Variants in CDH18 observed in about 807,000 individuals in gnomAD.
The protein encoded by CDH18 is cadherin 18, also known as cadherin-18.
Under a neutral mutation model 67.9 loss-of-function variants are expected in CDH18, and 31 were observed. That is an observed-to-expected ratio of 0.46 (90% CI 0.34 to 0.62). CDH18 has a LOEUF of 0.62. Ranked by LOEUF, CDH18 falls within the 20% of genes least tolerant of loss-of-function variation. The probability of loss-of-function intolerance (pLI) is 0.01; values close to 1 mark genes in which losing one functional copy is unlikely to be tolerated. For synonymous variants in CDH18, 362 were observed against 347.2 expected, an observed-to-expected ratio of 1.04 and a Z score of -0.48; for missense variants, 890 against 975.5, an observed-to-expected ratio of 0.91 and a Z score of 1.17.
intron 1 of CDH18, among the ~76,000 whole-genome samples, chr5:20,414,595 C>T (rs1435317436): frequency 6.6e-6 from 1 of 152,122 alleles, no homozygotes; most frequent in Non-Finnish European, 1.5e-5. Flanking sequence ...CCAACCTACT[C>T]TAGTAAATCC....
At chr5:20,120,698 A>C (rs1178159772) in intron 2 of CDH18, among the ~76,000 whole-genome samples, 3 of 152,178 alleles carry the variant, frequency 2.0e-5, no homozygotes, top group Admixed American at 2.0e-4. Context: ...ATTAGAGATA[A>C]TAGTCTGAAT....
intron 1 of CDH18, among the ~76,000 whole-genome samples, chr5:20,503,684 T>C (rs1349914254): frequency 1.3e-5 from 2 of 152,144 alleles, no homozygotes; most frequent in African/African-American, 4.8e-5. Flanking sequence ...CAATTACCTT[T>C]CATATGGAAA....
intron 2 of CDH18, among the ~76,000 whole-genome samples, chr5:20,159,851 T>C (rs1026065294): frequency 6.6e-6 from 1 of 152,184 alleles, no homozygotes; most frequent in African/African-American, 2.4e-5. Flanking sequence ...GCAAGCCTAC[T>C]GCAATGCACA....
At chr5:19,509,734 T>C (rs1744824523) in intron 10 of CDH18, among the ~76,000 whole-genome samples, 1 of 152,196 alleles carries the variant, frequency 6.6e-6, no homozygotes, top group African/African-American at 2.4e-5. Context: ...GGAAGTTTAA[T>C]ATGCATAAAA....
At chr5:20,265,993 C>T (rs1055245657) in intron 1 of CDH18, among the ~76,000 whole-genome samples, 34 of 152,208 alleles carry the variant, frequency 2.2e-4, no homozygotes, top group African/African-American at 8.0e-4. Flanking sequence ...AATGCACCCT[C>T]TGCTTGAGCT....
intron 1 of CDH18, among the ~76,000 whole-genome samples, chr5:20,380,626 G>A (rs1354511216): frequency 6.6e-6 from 1 of 152,116 alleles, no homozygotes; most frequent in Non-Finnish European, 1.5e-5. Context: ...TATTAGTTAG[G>A]TGAGAAGTTA....
At chr5:20,544,180 A>T (rs1757208563) in intron 1 of CDH18, among the ~76,000 whole-genome samples, 1 of 149,792 alleles carries the variant, frequency 6.7e-6, no homozygotes, top group Non-Finnish European at 1.5e-5. Context: ...AAACACAGAA[A>T]TTTACAAAAT....
At chr5:20,268,404 A>C (rs1745200961) in intron 1 of CDH18, among the ~76,000 whole-genome samples, 1 of 152,066 alleles carries the variant, frequency 6.6e-6, no homozygotes, top group Non-Finnish European at 1.5e-5. Context: ...CTCTTGCCTG[A>C]TTGTTCTATG....
intron 3 of CDH18, among the ~76,000 whole-genome samples, chr5:19,810,758 C>T (rs1490928379): frequency 6.6e-6 from 1 of 151,982 alleles, no homozygotes; most frequent in Non-Finnish European, 1.5e-5. Context: ...CACAGTGGCT[C>T]ACACTTGTAA....
At chr5:20,074,882 T>C (rs1316762178) in intron 2 of CDH18, among the ~76,000 whole-genome samples, 4 of 152,160 alleles carry the variant, frequency 2.6e-5, no homozygotes, top group Non-Finnish European at 5.9e-5. Context: ...AGAAAATGTA[T>C]TACTTTAATA....
intron 5 of CDH18, among the ~76,000 whole-genome samples, chr5:19,638,077 G>A (rs1019525895): frequency 2.6e-5 from 4 of 151,892 alleles, no homozygotes; most frequent in East Asian, 1.9e-4. Flanking sequence ...GGTTTGTTTC[G>A]TTTGTTAACA....
chr5:19,918,759 C>T (rs963411633), intron 2 of CDH18, among the ~76,000 whole-genome samples: 7 of 152,028 alleles, frequency 4.6e-5, no homozygotes, highest in African/African-American at 1.7e-4. Flanking sequence ...ATAATAAATA[C>T]ATATTTAGTC....
intron 2 of CDH18, among the ~76,000 whole-genome samples, chr5:20,168,543 G>A (rs954826442): frequency 3.3e-5 from 5 of 152,158 alleles, no homozygotes; most frequent in Admixed American, 6.6e-5. Context: ...AATTCAAGAT[G>A]CATGATAAAA....
At position 20,045,407 on chromosome 5, in the gene CDH18, A is replaced by T. The variant is rs1043398663; in HGVS notation, c.-517-53393T>A. On this transcript the variant is annotated intron_variant, in intron 2 of 14. Transcript: ENST00000507958. ...CAGAAATGAGAACGCAACAGTGAAC[A>T]ATTCCCAGGGAAGATCAAAATTTGC... Among the ~76,000 whole-genome samples the T allele has an allele frequency of 2.6e-5, 4 of 152,200 alleles. 1 individual carries two copies. Among genetic ancestry groups the T allele is most frequent in the Non-Finnish European group, 5.9e-5 (4 of 67,980 alleles).
chr5:19,857,276 T>C (rs1038615814), intron 2 of CDH18, among the ~76,000 whole-genome samples: 5 of 150,494 alleles, frequency 3.3e-5, no homozygotes, highest in Non-Finnish European at 7.4e-5. Flanking sequence ...GTTGAAGCAA[T>C]GATTTCTGTC....
chr5:19,679,152 A>G (rs1297967269), intron 5 of CDH18, among the ~76,000 whole-genome samples: 2 of 151,950 alleles, frequency 1.3e-5, no homozygotes, highest in Admixed American at 6.6e-5. Flanking sequence ...ACATATCAAT[A>G]CAAATCAATA....
chr5:19,477,265 A>C (rs1738636956), intron 12 of CDH18, among the ~76,000 whole-genome samples: 1 of 151,542 alleles, frequency 6.6e-6, no homozygotes, highest in South Asian at 2.1e-4. Context: ...GTTAAAGATA[A>C]ATTCAAATCA....
At position 19,748,267 on chromosome 5, in the gene CDH18, T is replaced by C. The variant is rs1454345669; in HGVS notation, c.229-1031A>G. Among the ~76,000 whole-genome samples the C allele has an allele frequency of 8.6e-5, 13 of 151,916 alleles. No individual in the cohort carries two copies. In the East Asian group the frequency reaches 2.5e-3, roughly 29 times the overall value. On this transcript the variant is annotated intron_variant, in intron 3 of 12. Transcript: ENST00000382275. ...ATTAATTGAAATACAGTAACAAATCTACACTTACTAAAATTAAAATTATCA... is the reference window on the plus strand; with the variant it reads ...ATTAATTGAAATACAGTAACAAATCCACACTTACTAAAATTAAAATTATCA...
At chr5:19,552,378 G>T (rs565874730) in intron 8 of CDH18, among the ~76,000 whole-genome samples, 1 of 152,108 alleles carries the variant, frequency 6.6e-6, no homozygotes, top group Non-Finnish European at 1.5e-5. Context: ...GACTGTGAAA[G>T]CTCATCTTTT....
Sources: allele counts gnomAD v4.1 joint callset (sites outside exome capture counted in the v4.1 genomes callset), GRCh38; gene constraint gnomAD v4.1.1; transcripts MANE v1.5; gene names NCBI Gene and HGNC (gene_info 2026-07-23, HGNC 2026-07-21).